The following ANK3 variants were observed in gnomAD, a reference collection of about 807,000 sequenced individuals.
The protein encoded by ANK3 is ankyrin 3.
Under a neutral mutation model 370.9 loss-of-function variants are expected in ANK3, and 57 were observed. The observed-to-expected ratio is 0.15, with a 90% CI of 0.12 to 0.19. The LOEUF (loss-of-function observed/expected upper bound fraction) is 0.19, where lower values mean the gene tolerates loss of function less well. Among genes scored for constraint, ANK3 ranks in the 10% least tolerant of loss-of-function variants. The pLI, the probability that ANK3 is intolerant of heterozygous loss-of-function variation, is 1.00. For synonymous variants in ANK3, 1,929 were observed against 1,946.3 expected (o/e 0.99, Z 0.23); for missense variants, 4,439 against 5,302.1 (o/e 0.84, Z 5.06).
At chr10:60,169,620 T>C (rs770175271) in intron 21 of ANK3, among the ~76,000 whole-genome samples, 25 of 152,116 alleles carry the variant, frequency 1.6e-4, no homozygotes, top group Admixed American at 1.3e-3. Flanking sequence ...AGCCCACATG[T>C]AAGCAGTGGG....
At chr10:60,461,177 C>T (rs1387567066) in intron 2 of ANK3, among the ~76,000 whole-genome samples, 1 of 152,132 alleles carries the variant, frequency 6.6e-6, no homozygotes, top group African/African-American at 2.4e-5. Context: ...AATAAAGGCC[C>T]TGGTTTCTGG....
chr10:60,250,582 G>C (rs993442666), intron 7 of ANK3, among the ~76,000 whole-genome samples: 1 of 152,048 alleles, frequency 6.6e-6, no homozygotes, highest in African/African-American at 2.4e-5. Context: ...AGCCAGGATG[G>C]TCTCGATCTC....
At chr10:60,082,247 T>C (rs777754663) in intron 34 of ANK3, 71 bp from the exon 35 acceptor site, 98 of 1,361,958 alleles carry the variant, frequency 7.2e-5, no homozygotes, top group Middle Eastern at 5.4e-4. Context: ...AATATCAGGA[T>C]ATGAAAAGGA....
At chr10:60,640,552 A>C (rs2078618123) in intron 1 of ANK3, among the ~76,000 whole-genome samples, 2 of 101,252 alleles carry the variant, frequency 2.0e-5, no homozygotes, top group Non-Finnish European at 2.1e-5. Context: ...TGATTATCTC[A>C]ATAGATGCAG....
chr10:60,307,120 C>T (rs1024105794), intron 1 of ANK3, among the ~76,000 whole-genome samples: 9 of 152,144 alleles, frequency 5.9e-5, no homozygotes, highest in South Asian at 2.1e-4. Flanking sequence ...TTTCAGTGTT[C>T]ACAAATAAAG....
intron 28 of ANK3, among the ~76,000 whole-genome samples, chr10:60,100,918 C>T (rs575708729): frequency 3.5e-4 from 53 of 152,248 alleles, no homozygotes; most frequent in African/African-American, 1.2e-3. Context: ...CCTATAGCCA[C>T]ACTAAAAAAT....
intron 1 of ANK3, among the ~76,000 whole-genome samples, chr10:60,645,499 G>A (rs532253732): frequency 6.6e-6 from 1 of 152,270 alleles, no homozygotes; most frequent in East Asian, 1.9e-4. Flanking sequence ...CTGAAACTGG[G>A]TGGATCGCTT....
intron 2 of ANK3, among the ~76,000 whole-genome samples, chr10:60,567,174 C>T (rs1422465729): frequency 6.6e-6 from 1 of 152,190 alleles, no homozygotes; most frequent in East Asian, 1.9e-4. Flanking sequence ...CAGCCCTATA[C>T]TGTAGTGGGA....
chr10:60,323,177 C>T (rs72822283), intron 1 of ANK3, among the ~76,000 whole-genome samples: 6,484 of 152,238 alleles, frequency 0.043, 362 homozygotes, highest in African/African-American at 0.13. Flanking sequence ...CCATAGGCAA[C>T]TGGAACTCAA....
chr10:60,369,789 C>T (rs890635708), intron 1 of ANK3, among the ~76,000 whole-genome samples: 1 of 152,106 alleles, frequency 6.6e-6, no homozygotes, highest in East Asian at 1.9e-4. Flanking sequence ...ACTCTTATCA[C>T]GTTAGATATC....
At chr10:60,562,938 TCAAACAA>T (rs2077373168) in intron 2 of ANK3, among the ~76,000 whole-genome samples, 2 of 152,266 alleles carry the variant, frequency 1.3e-5, no homozygotes, top group Admixed American at 1.3e-4. Context: ...GTACAATGAC[TCAAACAA>T]CAAAGTCTAT....
At chr10:60,532,031 A>C (rs1347422537) in intron 2 of ANK3, among the ~76,000 whole-genome samples, 2 of 152,186 alleles carry the variant, frequency 1.3e-5, no homozygotes, top group Non-Finnish European at 2.9e-5. Flanking sequence ...CCTGGGCCTC[A>C]GATTAGACTG....
chr10:60,345,222 A>G (rs10821735), intron 1 of ANK3, among the ~76,000 whole-genome samples: 106,107 of 152,028 alleles, frequency 0.7, 38,305 homozygotes, highest in South Asian at 0.91. Context: ...AAATAAGCAA[A>G]TGGGGTCTGA....
At chr10:60,229,725 A>T (rs990552270) in intron 8 of ANK3, among the ~76,000 whole-genome samples, 7 of 152,252 alleles carry the variant, frequency 4.6e-5, no homozygotes, top group African/African-American at 1.7e-4. Context: ...TAGGACCAGT[A>T]TAAAGTCAAG....
intron 23 of ANK3, chr10:60,141,147 A>ACT (rs2132216294): frequency 2.4e-6 from 1 of 423,650 alleles, no homozygotes. Context: ...GATTCCCATA[A>ACT]CTCTCCAAGA....
intron 2 of ANK3, among the ~76,000 whole-genome samples, chr10:60,570,561 T>C (rs2077568583): frequency 6.6e-6 from 1 of 151,864 alleles, no homozygotes; most frequent in Admixed American, 6.6e-5. Flanking sequence ...GTGAATGAAA[T>C]ATAATGAGGG....
Position 60,075,347 on chromosome 10 carries a change from A to C in ANK3, c.5534T>G (p.Phe1845Cys). Reference sequence around the variant, plus strand: ...CAGCAAGGCTGCTGCTGATTTTGTAAATGAATTAGAGTCTGGAAGTTTCTT... The same window carrying C: ...CAGCAAGGCTGCTGCTGATTTTGTACATGAATTAGAGTCTGGAAGTTTCTT... ...ALKKLPDSNS[F>C]TKSAAALLSP... The change falls in exon 37 of 44, where the codon TTT becomes TGT. Residue 1845 changes from phenylalanine to cysteine, a missense_variant. Phe to Cys is a radical substitution (Grantham distance 205, BLOSUM62 -2). Around this residue, in one of 13 missense-constraint regions of ANK3, gnomAD observed 679 missense variants for 791.0 expected, o/e 0.86. Coordinates refer to ENST00000280772, the MANE Select transcript of ANK3 (RefSeq NM_020987.5). 1 of 1,614,118 alleles carries C rather than the reference A, an allele frequency of 6.2e-7. No individual in the cohort carries two copies. Among genetic ancestry groups the C allele is most frequent in the Non-Finnish European group, 8.5e-7 (1 of 1,180,014 alleles).
chr10:60,280,675 C>G (rs2098148384), intron 1 of ANK3, among the ~76,000 whole-genome samples: 1 of 152,192 alleles, frequency 6.6e-6, no homozygotes, highest in Non-Finnish European at 1.5e-5. Flanking sequence ...AATACAAAAG[C>G]AGGTTTTCCT....
Position 60,069,940 on chromosome 10 carries a change from C to T in ANK3, c.10941G>A (p.Gly3647=), listed in dbSNP as rs866865794. The change falls in exon 37 of 44, where the codon GGG becomes GGA. Residue 3647 remains glycine (G), a synonymous_variant. Coordinates refer to ENST00000280772, the MANE Select transcript of ANK3 (RefSeq NM_020987.5). ...CAGTGACCATACTTTTATCCCCTTC[C>T]CCCTGGTCCCCTGACTTCCCTTCAG... is the stretch of plus-strand genomic sequence containing the variant. ...HTSEGKSGDQ[G]EGDKSMVTAT... The T allele has an allele frequency of 4.3e-6, 7 of 1,614,094 alleles. No individual in the cohort carries two copies. In the South Asian group the frequency reaches 5.5e-5, roughly 13 times the overall value.
Sources: allele counts gnomAD v4.1 joint callset (sites outside exome capture counted in the v4.1 genomes callset), GRCh38; gene constraint gnomAD v4.1.1; regional missense constraint gnomAD v4.1.1; transcripts MANE v1.5; gene names NCBI Gene and HGNC (gene_info 2026-07-23, HGNC 2026-07-21).